The following ADAM12 variants were observed in gnomAD, a reference collection of about 807,000 sequenced individuals.
ADAM12 encodes the protein disintegrin and metalloproteinase domain-containing protein 12.
Under a neutral mutation model 106.4 loss-of-function variants are expected in ADAM12, and 70 were observed. The observed-to-expected ratio is 0.66, with a 90% CI of 0.54 to 0.80. ADAM12 has a LOEUF of 0.80. Among genes scored for constraint, ADAM12 ranks in the 30% least tolerant of loss-of-function variants. The pLI is 0.00. For missense variants in ADAM12, 1,010 were observed against 1,171.9 expected (o/e 0.86, Z 2.02); for synonymous variants, 420 against 433.5 (o/e 0.97, Z 0.39).
At chr10:126,370,725 T>C (rs1289413426) in intron 1 of ADAM12, among the ~76,000 whole-genome samples, 3 of 152,198 alleles carry the variant, frequency 2.0e-5, no homozygotes. Context: ...GTCTGGAGTA[T>C]GGAAGAGTTC....
At chr10:126,035,426 T>C (rs1954041951) in intron 21 of ADAM12, among the ~76,000 whole-genome samples, 1 of 152,162 alleles carries the variant, frequency 6.6e-6, no homozygotes, top group African/African-American at 2.4e-5. Context: ...ATAGGATTTT[T>C]AATGCCATTG....
At chr10:126,319,494 A>T (rs1300912564) in intron 2 of ADAM12, among the ~76,000 whole-genome samples, 1 of 152,132 alleles carries the variant, frequency 6.6e-6, no homozygotes. Context: ...GGAAAATCCC[A>T]GCTGAGGGCC....
intron 1 of ADAM12, among the ~76,000 whole-genome samples, chr10:126,349,744 G>A (rs574885430): frequency 3.3e-5 from 5 of 152,088 alleles, no homozygotes; most frequent in African/African-American, 7.2e-5. Flanking sequence ...TCAACAATCC[G>A]CATATCTCTT....
rs758945808 is a variant in ADAM12, at chr10:126,036,186, G to T, written c.2489C>A (p.Ala830Asp). ...TGCAGGCTTGGCTGGCAGGGGTCTG[G>T]CAGGGACGCTAGGTGCACGTGGAGC... ...HRAPRAPSVPARPLPAKPALR... is the reference protein window; with the variant it reads ...HRAPRAPSVPDRPLPAKPALR... Residue 830 changes from alanine to aspartate, a missense_variant, in exon 21 of 23, where the codon GCC becomes GAC. Physicochemically the swap from Ala to Asp is moderately radical, Grantham distance 126 (BLOSUM62 -2). This residue lies in a region of ADAM12 where 615 missense variants were observed against 708.5 expected (regional missense o/e 0.87). Transcript: ENST00000448723. The T allele has an allele frequency of 6.5e-7, 1 of 1,531,530 alleles. No individual in the cohort carries two copies. Among genetic ancestry groups the T allele is most frequent in the South Asian group, 1.3e-5 (1 of 79,218 alleles). The allele number at this position is 1,531,530 out of a possible 1,614,324, so 94.9% of individuals were successfully genotyped here. A position where few individuals can be genotyped will look rare whatever the true frequency, so the allele number is the denominator to read the frequency against.
chr10:126,215,149 C>A (rs536418619), intron 3 of ADAM12, among the ~76,000 whole-genome samples: 25 of 152,340 alleles, frequency 1.6e-4, no homozygotes, highest in Middle Eastern at 3.4e-3. Flanking sequence ...GTGAGGGGCA[C>A]TCAGCTGTGG....
intron 1 of ADAM12, among the ~76,000 whole-genome samples, chr10:126,360,004 C>T (rs1855686965): frequency 3.3e-5 from 5 of 152,198 alleles, no homozygotes; most frequent in Admixed American, 2.6e-4. Flanking sequence ...GGCTCAACAC[C>T]ACATGGAAGA....
At chr10:126,133,656 G>A (rs1001569281) in intron 5 of ADAM12, among the ~76,000 whole-genome samples, 7 of 152,268 alleles carry the variant, frequency 4.6e-5, no homozygotes, top group African/African-American at 1.2e-4. Flanking sequence ...CCATCACTGG[G>A]GGGGAGGCCA....
chr10:126,153,524 A>G (rs1284545065), intron 4 of ADAM12, among the ~76,000 whole-genome samples: 2 of 151,988 alleles, frequency 1.3e-5, no homozygotes, highest in Admixed American at 1.3e-4. Flanking sequence ...ATGTATTTTC[A>G]TTGTGGAATT....
chr10:126,331,291 C>T (rs1434102822), intron 1 of ADAM12, among the ~76,000 whole-genome samples: 1 of 152,168 alleles, frequency 6.6e-6, no homozygotes, highest in Non-Finnish European at 1.5e-5. Flanking sequence ...GGTTCGACCA[C>T]AGTATATCCC....
chr10:126,191,198 T>G (rs1159424356), intron 3 of ADAM12, among the ~76,000 whole-genome samples: 6 of 151,720 alleles, frequency 4.0e-5, no homozygotes, highest in African/African-American at 1.5e-4. Context: ...GATGGAGTTT[T>G]GCCATGTTAG....
At chr10:126,100,059 T>A (rs1219088926) in intron 9 of ADAM12, among the ~76,000 whole-genome samples, 1 of 152,162 alleles carries the variant, frequency 6.6e-6, no homozygotes, top group African/African-American at 2.4e-5. Context: ...CCTTAGTTTA[T>A]CATCTTCCAG....
At chr10:126,375,911 T>C (rs1378213386) in intron 1 of ADAM12, among the ~76,000 whole-genome samples, 4 of 100,852 alleles carry the variant, frequency 4.0e-5, no homozygotes, top group South Asian at 2.6e-4. Flanking sequence ...ATATATGACT[T>C]TTTTTTTTTT....
Position 126,134,237 on chromosome 10 carries a change from C to T in ADAM12, c.416+1347G>A, listed in dbSNP as rs143095409. Among the ~76,000 whole-genome samples the T allele has an allele frequency of 2.0e-5, 3 of 152,248 alleles. No individual in the cohort carries two copies. In the East Asian group the frequency reaches 5.8e-4, roughly 29 times the overall value. On this transcript the variant is annotated intron_variant, in intron 5 of 22. Transcript: ENST00000448723. Reference sequence around the variant, plus strand: ...ATGCTTTTAAAAAAATGCAGGTATGCAGAAATGTGTGTGTGCATGCAAATG... The same window carrying T: ...ATGCTTTTAAAAAAATGCAGGTATGTAGAAATGTGTGTGTGCATGCAAATG...
intron 1 of ADAM12, among the ~76,000 whole-genome samples, chr10:126,376,999 A>G (rs1856317475): frequency 1.3e-5 from 2 of 152,352 alleles, no homozygotes; most frequent in Middle Eastern, 3.4e-3. Context: ...AAGATTACAT[A>G]GTTTGTTCAA....
intron 1 of ADAM12, among the ~76,000 whole-genome samples, chr10:126,385,428 G>T (rs1321850758): frequency 6.6e-6 from 1 of 152,196 alleles, no homozygotes; most frequent in Non-Finnish European, 1.5e-5. Flanking sequence ...ATACCCCAGA[G>T]ATTCCAAGGA....
chr10:126,133,305 C>T (rs1956342105), intron 5 of ADAM12, among the ~76,000 whole-genome samples: 2 of 152,136 alleles, frequency 1.3e-5, no homozygotes, highest in South Asian at 2.1e-4. Context: ...GTATTGGAGT[C>T]CCTGCCTGGT....
At chr10:126,168,103 A>G (rs1004306009) in intron 3 of ADAM12, among the ~76,000 whole-genome samples, 113 of 152,196 alleles carry the variant, frequency 7.4e-4, no homozygotes, top group African/African-American at 2.7e-3. Context: ...ACTGAACCTC[A>G]TGTACAAAAA....
intron 2 of ADAM12, among the ~76,000 whole-genome samples, chr10:126,297,422 G>T (rs1249415394): frequency 6.6e-6 from 1 of 152,160 alleles, no homozygotes; most frequent in African/African-American, 2.4e-5. Context: ...GGTGGCATGT[G>T]TCTATAGTCT....
chr10:126,348,667 C>G (rs937762735), intron 1 of ADAM12, among the ~76,000 whole-genome samples: 1 of 152,200 alleles, frequency 6.6e-6, no homozygotes, highest in African/African-American at 2.4e-5. Context: ...TCCTCTGTCT[C>G]TGTGCCACGT....
Sources: allele counts gnomAD v4.1 joint callset (sites outside exome capture counted in the v4.1 genomes callset), GRCh38; gene constraint gnomAD v4.1.1; regional missense constraint gnomAD v4.1.1; transcripts MANE v1.5; gene names NCBI Gene and HGNC (gene_info 2026-07-23, HGNC 2026-07-21).